Variants in SPMIP4 observed in about 807,000 individuals in gnomAD.
The protein encoded by SPMIP4 is sperm-associated microtubule inner protein 4.
the SPMIP4 span, among the ~76,000 whole-genome samples, chr7:25,161,620 ATTT>A: frequency 7.6e-6 from 1 of 131,226 alleles, no homozygotes; most frequent in Non-Finnish European, 1.6e-5. Flanking sequence ...TTATTTATAG[ATTT>A]TTTTTTTTTT....
chr7:25,143,444 A>T, the SPMIP4 span, among the ~76,000 whole-genome samples: 9 of 152,228 alleles, frequency 5.9e-5, no homozygotes, highest in Non-Finnish European at 8.8e-5. Context: ...TGTGCACAGT[A>T]GTGGCTGCAA....
the SPMIP4 span, among the ~76,000 whole-genome samples, chr7:25,170,811 G>C: frequency 6.6e-6 from 1 of 152,138 alleles, no homozygotes; most frequent in African/African-American, 2.4e-5. Context: ...AAATGGTCTT[G>C]GCTAAAGATT....
the SPMIP4 span, among the ~76,000 whole-genome samples, chr7:25,142,027 C>T: frequency 1.3e-5 from 2 of 152,190 alleles, no homozygotes; most frequent in African/African-American, 4.8e-5. Flanking sequence ...TGAGGCACTG[C>T]GCCTGGCCCA....
the SPMIP4 span, among the ~76,000 whole-genome samples, chr7:25,171,344 T>TA: frequency 6.6e-6 from 1 of 152,184 alleles, no homozygotes; most frequent in Non-Finnish European, 1.5e-5. Flanking sequence ...ACTCAAATAA[T>TA]ACTATTGAAT....
At chr7:25,135,387 C>T in the SPMIP4 span, 6,510 of 985,324 alleles carry the variant, frequency 6.6e-3, 35 homozygotes, top group Non-Finnish European at 7.4e-3. Context: ...TCATTTTTTT[C>T]GCTGACTTAT....
chr7:25,175,919 T>A, the SPMIP4 span, among the ~76,000 whole-genome samples: 1 of 152,190 alleles, frequency 6.6e-6, no homozygotes, highest in Non-Finnish European at 1.5e-5. Context: ...GGCTGCTTTT[T>A]AAGAGGGGGT....
chr7:25,175,431 G>A, the SPMIP4 span, among the ~76,000 whole-genome samples: 2 of 151,772 alleles, frequency 1.3e-5, no homozygotes, highest in South Asian at 2.1e-4. Context: ...GCTAATTTTT[G>A]TATTCACCTC....
At chr7:25,171,006 C>G in the SPMIP4 span, among the ~76,000 whole-genome samples, 1 of 152,214 alleles carries the variant, frequency 6.6e-6, no homozygotes, top group South Asian at 2.1e-4. Flanking sequence ...GGATCCATCT[C>G]AAAACCTAAG....
At chr7:25,148,966 A>G in the SPMIP4 span, among the ~76,000 whole-genome samples, 1,057 of 152,356 alleles carry the variant, frequency 6.9e-3, 9 homozygotes, top group South Asian at 0.037. Context: ...AGAAAACAGA[A>G]GTGAGACACA....
the SPMIP4 span, chr7:25,135,216 TG>T: frequency 3.9e-3 from 2,420 of 613,680 alleles, 53 homozygotes; most frequent in African/African-American, 0.042. Flanking sequence ...CATCCTTTCT[TG>T]CTATAATTAG....
At chr7:25,136,870 AT>A in the SPMIP4 span, 1 of 1,399,388 alleles carries the variant, frequency 7.1e-7, no homozygotes. The surrounding 1 kb of genome is among the most constrained non-coding windows in gnomAD (Gnocchi z 5.7). Flanking sequence ...AGTCATACCC[AT>A]TTTCATTGTC....
At chr7:25,171,256 T>C in the SPMIP4 span, among the ~76,000 whole-genome samples, 1 of 152,214 alleles carries the variant, frequency 6.6e-6, no homozygotes, top group Non-Finnish European at 1.5e-5. Context: ...CTGCTTTTTC[T>C]TAACAAAGGA....
chr7:25,134,966 A>C, the SPMIP4 span: 1 of 984,684 alleles, frequency 1.0e-6, no homozygotes. Context: ...AAAATTCTCT[A>C]ACTTTAGCCC....
chr7:25,147,890 T>C, the SPMIP4 span, among the ~76,000 whole-genome samples: 1 of 152,178 alleles, frequency 6.6e-6, no homozygotes, highest in Admixed American at 6.5e-5. Context: ...AAACTAGGTA[T>C]TGAAGGATTA....
the SPMIP4 span, among the ~76,000 whole-genome samples, chr7:25,166,734 A>G: frequency 4.0e-5 from 6 of 151,428 alleles, no homozygotes; most frequent in African/African-American, 1.5e-4. Flanking sequence ...GTCTCTACTA[A>G]AAATACAAAA....
the SPMIP4 span, chr7:25,155,277 G>T: frequency 3.9e-6 from 5 of 1,271,370 alleles, no homozygotes; most frequent in Admixed American, 1.4e-4. Context: ...AATTTATTGG[G>T]ACCCTTTTTT....
At chr7:25,136,922 T>C in the SPMIP4 span, 1 of 846,880 alleles carries the variant, frequency 1.2e-6, no homozygotes, top group Non-Finnish European at 1.8e-6. This position sits in a 1 kb window ranked among gnomAD's most constrained non-coding sequence, Gnocchi z 5.7. Flanking sequence ...ATTGCAATGC[T>C]CTTTGATACT....
the SPMIP4 span, among the ~76,000 whole-genome samples, chr7:25,166,777 C>T: frequency 6.6e-6 from 1 of 151,980 alleles, no homozygotes; most frequent in Non-Finnish European, 1.5e-5. Context: ...GCCTGTAATC[C>T]CAGCTAGGCT....
the SPMIP4 span, among the ~76,000 whole-genome samples, chr7:25,134,333 TAA>T: frequency 0.59 from 75,807 of 129,572 alleles, 22,014 homozygotes; most frequent in South Asian, 0.66. Flanking sequence ...ACACATTTTG[TAA>T]AAAAAAAAAA....
Sources: allele counts gnomAD v4.1 joint callset (sites outside exome capture counted in the v4.1 genomes callset), GRCh38; gene constraint gnomAD v4.1.1; non-coding constraint Gnocchi (gnomAD v3.1); transcripts MANE v1.5; gene names NCBI Gene and HGNC (gene_info 2026-07-23, HGNC 2026-07-21).